The following BTAF1 variants were observed in gnomAD, a reference collection of about 807,000 sequenced individuals.
The protein encoded by BTAF1 is TATA-binding protein-associated factor 172.
A neutral mutation model predicts 227.1 loss-of-function variants in BTAF1; 38 were observed. That is an observed-to-expected ratio of 0.17 (90% CI 0.13 to 0.22). BTAF1 has a LOEUF of 0.22. BTAF1 is among the 10% of genes least tolerant of loss of function. The probability of loss-of-function intolerance (pLI) is 1.00; values close to 1 mark genes in which losing one functional copy is unlikely to be tolerated. For missense variants in BTAF1, 1,598 were observed against 2,204.0 expected (o/e 0.73, Z 5.51); for synonymous variants, 742 against 751.9 (o/e 0.99, Z 0.21).
intron 34 of BTAF1, among the ~76,000 whole-genome samples, chr10:92,020,740 G>T (rs1466359499): frequency 6.6e-6 from 1 of 152,128 alleles, no homozygotes; most frequent in Admixed American, 6.5e-5. Flanking sequence ...AATGTTCATG[G>T]TTTTCCTAAC....
In BTAF1 at chr10:92,024,902, C is replaced by T. The variant is rs565861715; in HGVS notation, c.5010C>T (p.Pro1670=). Residue 1670 remains proline (P), a synonymous_variant, in exon 35 of 38, where the codon CCC becomes CCT. Transcript: ENST00000265990. ...ATGATCTCCTCAAACCTCACTTGCC[C>T]TCTGTCACTTATTTGAGATTAGATG... ...VEHDLLKPHL[P]SVTYLRLDGS... 5.0e-6 allele frequency: 8 copies of T among 1,614,012 alleles called. No homozygotes were observed. In the South Asian group the frequency reaches 5.5e-5, roughly 11 times the overall value.
At chr10:91,951,140 AT>A (rs1845741845) in intron 4 of BTAF1, among the ~76,000 whole-genome samples, 1 of 152,032 alleles carries the variant, frequency 6.6e-6, no homozygotes, top group African/African-American at 2.4e-5. Flanking sequence ...AATGAATCTT[AT>A]TATTTTATAT....
At chr10:91,936,973 G>T (rs1243682214) in intron 2 of BTAF1, among the ~76,000 whole-genome samples, 3 of 151,628 alleles carry the variant, frequency 2.0e-5, no homozygotes, top group African/African-American at 7.3e-5. Flanking sequence ...CTTTTTCCTC[G>T]GCTGTCAGCG....
chr10:92,004,041 T>A (rs894880742), intron 25 of BTAF1, among the ~76,000 whole-genome samples: 9 of 152,180 alleles, frequency 5.9e-5, no homozygotes, highest in African/African-American at 1.9e-4. Flanking sequence ...ATTTTTTTTT[T>A]AAGAAATACC....
At chr10:91,967,231 C>G (rs1465387655) in intron 14 of BTAF1, among the ~76,000 whole-genome samples, 4 of 152,150 alleles carry the variant, frequency 2.6e-5, no homozygotes, top group Non-Finnish European at 5.9e-5. Flanking sequence ...ATGCTATTTT[C>G]AAGGATAGTA....
intron 25 of BTAF1, among the ~76,000 whole-genome samples, chr10:92,007,372 G>A (rs1849994096): frequency 6.6e-6 from 1 of 151,710 alleles, no homozygotes; most frequent in South Asian, 2.1e-4. Context: ...ACACCACCAC[G>A]CCCAGCTAAT....
intron 3 of BTAF1, 26 bp from the exon 4 acceptor site, chr10:91,942,396 A>C (rs1238114412): frequency 1.1e-5 from 17 of 1,601,038 alleles, no homozygotes; most frequent in Non-Finnish European, 1.4e-5. Flanking sequence ...TATATGGTCA[A>C]ATTAATATTT....
intron 25 of BTAF1, among the ~76,000 whole-genome samples, 156 bp from the exon 26 acceptor site, chr10:92,007,967 C>G (rs1160666421): frequency 6.6e-6 from 1 of 152,166 alleles, no homozygotes; most frequent in Non-Finnish European, 1.5e-5. Flanking sequence ...ATTGTAGCAC[C>G]TTTAATGCTT....
chr10:91,992,044 ATC>A, intron 20 of BTAF1, 73 bp from the exon 21 acceptor site: 1 of 1,238,540 alleles, frequency 8.1e-7, no homozygotes, highest in Non-Finnish European at 1.1e-6. Context: ...AAAATGTTTT[ATC>A]TCTTATGGAG....
chr10:92,031,113 A>G lies in BTAF1; in HGVS notation c.*2180A>G, dbSNP rs1037121052. Among the ~76,000 whole-genome samples, 10 of 152,294 alleles carry G rather than the reference A, an allele frequency of 6.6e-5. No homozygotes were observed. Among genetic ancestry groups the G allele is most frequent in the South Asian group, 2.1e-4 (1 of 4,824 alleles). On this transcript the variant is annotated 3_prime_UTR_variant, in exon 38 of 38. Transcript: ENST00000265990. ...TGGGTTCATAGATATCCATTGTACT[A>G]CTTCCCTTGGTTTTTGTGTCTTTAT...
intron 6 of BTAF1, among the ~76,000 whole-genome samples, chr10:91,955,153 T>C (rs1846011479): frequency 6.6e-6 from 1 of 152,218 alleles, no homozygotes; most frequent in Non-Finnish European, 1.5e-5. Context: ...TTTTTAAAAG[T>C]TAACAGCTCA....
chr10:91,990,001 T>C (rs1014340433), intron 20 of BTAF1, among the ~76,000 whole-genome samples: 1 of 152,236 alleles, frequency 6.6e-6, no homozygotes, highest in Non-Finnish European at 1.5e-5. Flanking sequence ...CTCGTTTCCC[T>C]AATTTAGTGC....
intron 1 of BTAF1, among the ~76,000 whole-genome samples, chr10:91,927,983 T>TC (rs1315309204): frequency 4.1e-5 from 3 of 73,130 alleles, no homozygotes; most frequent in Non-Finnish European, 8.3e-5. Context: ...CTTTTTTCTT[T>TC]TTTTTTTTTT....
At chr10:91,988,671 A>C (rs1020697720) in intron 19 of BTAF1, among the ~76,000 whole-genome samples, 12 of 152,216 alleles carry the variant, frequency 7.9e-5, no homozygotes, top group Admixed American at 7.2e-4. Context: ...GAGGTTAAAG[A>C]AAGAAAGAGA....
chr10:92,011,229 C>A, intron 29 of BTAF1, 57 bp from the exon 30 acceptor site: 1 of 1,513,322 alleles, frequency 6.6e-7, no homozygotes, highest in South Asian at 1.3e-5. Flanking sequence ...AAAGATTCTT[C>A]ATATAGTTCC....
At chr10:91,959,660 CCCCCAAG>C in intron 9 of BTAF1, 118 bp from the exon 10 acceptor site, 1 of 375,244 alleles carries the variant, frequency 2.7e-6, no homozygotes. Flanking sequence ...CCTAAGGTGT[CCCCCAAG>C]TCCCCAGTAC....
chr10:91,971,567 G>A (rs556758691), intron 14 of BTAF1, among the ~76,000 whole-genome samples: 156 of 151,504 alleles, frequency 1.0e-3, no homozygotes, highest in South Asian at 1.7e-3. Flanking sequence ...CTGCCTCCCG[G>A]GTTCAAACGA....
intron 2 of BTAF1, among the ~76,000 whole-genome samples, chr10:91,936,266 A>G (rs1589749198): frequency 6.6e-6 from 1 of 152,332 alleles, no homozygotes; most frequent in East Asian, 1.9e-4. Context: ...TATTTTTACT[A>G]AACTCTGTAT....
chr10:91,928,887 T>C (rs1844066757), intron 1 of BTAF1, among the ~76,000 whole-genome samples: 1 of 151,714 alleles, frequency 6.6e-6, no homozygotes, highest in African/African-American at 2.4e-5. Context: ...AAAGCTGGAG[T>C]GCAGTGGCAC....
Sources: gnomAD v4.1 joint callset for allele counts (sites outside exome capture counted in the v4.1 genomes callset) on GRCh38, gnomAD v4.1.1 for gene constraint, MANE v1.5 for transcripts, NCBI Gene and HGNC (gene_info 2026-07-23, HGNC 2026-07-21) for gene names.